Variants in FPGT observed in about 807,000 individuals in gnomAD.
FPGT encodes the protein fucose-1-phosphate guanylyltransferase.
A neutral mutation model predicts 45.8 loss-of-function variants in FPGT; 41 were observed. The ratio of observed to expected loss-of-function variants is 0.90; its 90% CI spans 0.70 to 1.16. FPGT has a LOEUF of 1.16. Ranked by LOEUF, FPGT falls within the 50% of genes most tolerant of loss-of-function variation. FPGT has a pLI of 0.00. For missense variants in FPGT, 755 were observed against 689.1 expected (o/e 1.10, Z -1.07); for synonymous variants, 292 against 247.2 (o/e 1.18, Z -1.70).
chr1:74,205,756 A>G lies in FPGT; in HGVS notation c.1709A>G (p.Tyr570Cys), dbSNP rs1228058753. ...KLLSIEEMLI[Y>C]KDVEDMITYR... ...CTGTCCATTGAAGAAATGCTTATCT[A>G]CAAAGATGTAGAAGATATGATAACT... is the stretch of plus-strand genomic sequence containing the variant. The change falls in exon 4 of 4, where the codon TAC becomes TGC. Residue 570 changes from tyrosine (Y) to cysteine (C), a missense_variant. Coordinates refer to ENST00000370898, the MANE Select transcript of FPGT (RefSeq NM_003838.5). The G allele has an allele frequency of 1.9e-6, 3 of 1,596,354 alleles. No homozygotes were observed. The highest frequency in any genetic ancestry group is 1.7e-4 in the Middle Eastern group (1 of 6,034).
At position 74,207,388 on chromosome 1, in the gene FPGT, G is replaced by A. The variant is rs547465640; in HGVS notation, c.*1556G>A. 6.6e-6 allele frequency among the ~76,000 whole-genome samples: 1 copy of A among 151,992 alleles called. No individual in the cohort carries two copies. The stretch of plus-strand genomic sequence containing the variant: ...TACAGCTTCACATTCAAACTCTTCA[G>A]CACTTTCAGAGCTATTGATATGCAT... On this transcript the variant is annotated 3_prime_UTR_variant, in exon 4 of 4. Transcript: ENST00000370898.
chr1:74,198,257 C>A lies in FPGT; in HGVS notation c.-22C>A. On this transcript the variant is annotated 5_prime_UTR_variant, in exon 1 of 4. Transcript: ENST00000370898. Reference sequence around the variant, plus strand: ...CAGGGCGCATGCGTGCTGTGCGGCGCGGTCTCAGGGAAGGTGGGGCTATGG... The same window carrying A: ...CAGGGCGCATGCGTGCTGTGCGGCGAGGTCTCAGGGAAGGTGGGGCTATGG... 1 of 1,611,922 alleles carries A rather than the reference C, an allele frequency of 6.2e-7. No individual in the cohort carries two copies. Among genetic ancestry groups the A allele is most frequent in the East Asian group, 2.2e-5 (1 of 44,820 alleles).
intron 1 of FPGT, 47 bp downstream of exon 1, chr1:74,198,407 G>C: frequency 6.2e-7 from 1 of 1,604,016 alleles, no homozygotes. Flanking sequence ...CAGAGGGAGG[G>C]TGCTTTTACG....
chr1:74,205,424 G>C lies in FPGT; in HGVS notation c.1377G>C (p.Lys459Asn). The C allele has an allele frequency of 1.2e-6, 2 of 1,613,898 alleles. No individual in the cohort carries two copies. The highest frequency in any genetic ancestry group is 1.7e-6 in the Non-Finnish European group (2 of 1,179,786). ...CTTTTGTATGTTCCTTAAGCTTAAA[G>C]ATGAATAGATGCTTAAAGTATGCAA... Reference protein sequence around the residue: ...AHSFVCSLSLKMNRCLKYATM... With the variant: ...AHSFVCSLSLNMNRCLKYATM... The change falls in exon 4 of 4, where the codon AAG (lysine) becomes AAC (asparagine). Residue 459 changes from lysine to asparagine, a missense_variant. Transcript: ENST00000370898.
At chr1:74,203,011 T>G (rs2100773083) in intron 3 of FPGT, among the ~76,000 whole-genome samples, 1 of 152,342 alleles carries the variant, frequency 6.6e-6, no homozygotes, top group South Asian at 2.1e-4. Flanking sequence ...CATTTTATGC[T>G]TAACTTTTTT....
At chr1:74,198,452 T>C (rs1651426967) in intron 1 of FPGT, 92 bp downstream of exon 1, 1 of 1,552,282 alleles carries the variant, frequency 6.4e-7, no homozygotes, top group Non-Finnish European at 8.7e-7. Flanking sequence ...ACTTCCCGTT[T>C]ACTTCTCATC....
chr1:74,204,753 A>T lies in FPGT; in HGVS notation c.706A>T (p.Met236Leu), dbSNP rs758748726. The T allele has an allele frequency of 3.1e-6, 5 of 1,614,052 alleles. No individual in the cohort carries two copies. Among genetic ancestry groups the T allele is most frequent in the Non-Finnish European group, 4.2e-6 (5 of 1,179,998 alleles). The change falls in exon 4 of 4, where the codon ATG (methionine) becomes TTG (leucine). Residue 236 changes from methionine (M) to leucine (L), a missense_variant. Coordinates refer to ENST00000370898, the MANE Select transcript of FPGT (RefSeq NM_003838.5). ...RFLHKPSIEK[M>L]YQFNAVCRPG... Reference sequence around the variant, plus strand: ...CCTTCATAAGCCCAGCATAGAAAAGATGTATCAGTTTAATGCTGTGTGTAG... The same window carrying T: ...CCTTCATAAGCCCAGCATAGAAAAGTTGTATCAGTTTAATGCTGTGTGTAG...
Position 74,204,934 on chromosome 1 carries a change from G to A in FPGT, c.887G>A (p.Cys296Tyr), listed in dbSNP as rs1652138766. 6.2e-7 allele frequency: 1 copy of A among 1,614,056 alleles called. No homozygotes were observed. Among genetic ancestry groups the A allele is most frequent in the Non-Finnish European group, 8.5e-7 (1 of 1,179,972 alleles). The change falls in exon 4 of 4, where the codon TGT becomes TAT. Residue 296 changes from cysteine (C) to tyrosine (Y), a missense_variant. By Grantham distance (194) the Cys-to-Tyr change is radical. Coordinates refer to ENST00000370898, the MANE Select transcript of FPGT (RefSeq NM_003838.5). The stretch of plus-strand genomic sequence containing the variant: ...TATGAAAAAATAGGCACACTGAGCT[G>A]TGAAATAGATGCCTATGGTGACTTT... ...AFYEKIGTLS[C>Y]EIDAYGDFLQ...
At position 74,208,452 on chromosome 1, in the gene FPGT, T is replaced by A. The variant is rs74463673; in HGVS notation, c.*2620T>A. 1.2e-3 allele frequency among the ~76,000 whole-genome samples: 185 copies of A among 152,210 alleles called. 4 individuals carry two copies. The East Asian group carries it at 0.03, about 25-fold the overall frequency. On this transcript the variant is annotated 3_prime_UTR_variant, in exon 4 of 4. Transcript: ENST00000370898. ...ATGGATAAGTTTGAAATTAAACATT[T>A]TGTCTCATTTTATAATTTTTATTTT...
At position 74,204,823 on chromosome 1, in the gene FPGT, C is replaced by G; in HGVS notation, c.776C>G (p.Ala259Gly). The change falls in exon 4 of 4, where the codon GCC (alanine) becomes GGC (glycine). Residue 259 changes from alanine to glycine, a missense_variant. Ala to Gly is a moderately conservative substitution (Grantham distance 60). Transcript: ENST00000370898. ...CAGGACTTTGCTGGGGGTGACATTG[C>G]CGATCTTAAATTAGACTCTGACTAT... ...CQQDFAGGDI[A>G]DLKLDSDYVY... The G allele has an allele frequency of 6.2e-7, 1 of 1,613,440 alleles. No individual in the cohort carries two copies. The highest frequency in any genetic ancestry group is 8.5e-7 in the Non-Finnish European group (1 of 1,179,882).
At chr1:74,198,419 G>A in intron 1 of FPGT, 59 bp downstream of exon 1, 1 of 1,598,140 alleles carries the variant, frequency 6.3e-7, no homozygotes, top group Non-Finnish European at 8.5e-7. Flanking sequence ...GCTTTTACGT[G>A]CCAGGAGGTT....
chr1:74,205,459 T>C lies in FPGT; in HGVS notation c.1412T>C (p.Phe471Ser), dbSNP rs1652197094. The C allele has an allele frequency of 6.2e-7, 1 of 1,614,018 alleles. No individual in the cohort carries two copies. Among genetic ancestry groups the C allele is most frequent in the Non-Finnish European group, 8.5e-7 (1 of 1,179,858 alleles). ...NRCLKYATMA[F>S]GVQDNLKKSV... ...TGCTTAAAGTATGCAACTATGGCAT[T>C]TGGAGTGCAAGACAACTTGAAAAAG... is the stretch of plus-strand genomic sequence containing the variant. The change falls in exon 4 of 4, where the codon TTT becomes TCT. Residue 471 changes from phenylalanine (F) to serine (S), a missense_variant. Physicochemically the swap from Phe to Ser is radical, Grantham distance 155 (BLOSUM62 -2). Transcript: ENST00000370898.
chr1:74,204,680 T>A lies in FPGT; in HGVS notation c.633T>A (p.Phe211Leu), dbSNP rs772215421. The change falls in exon 4 of 4, where the codon TTT (phenylalanine) becomes TTA (leucine). Residue 211 changes from phenylalanine (F) to leucine (L), a missense_variant. Physicochemically the swap from Phe to Leu is conservative, Grantham distance 22 (BLOSUM62 0). Coordinates refer to ENST00000370898, the MANE Select transcript of FPGT (RefSeq NM_003838.5). Reference sequence around the variant, plus strand: ...ATGGAGTATTTGTCTTAGATCCTTTTGATGATTTAAAACATAGAGACCTTG... The same window carrying A: ...ATGGAGTATTTGTCTTAGATCCTTTAGATGATTTAAAACATAGAGACCTTG... ...TTHGVFVLDP[F>L]DDLKHRDLEY... 4.3e-6 allele frequency: 7 copies of A among 1,612,986 alleles called. No homozygotes were observed. In the East Asian group the frequency reaches 1.6e-4, roughly 36 times the overall value.
In FPGT at chr1:74,205,134, G is replaced by A. The variant is rs376392962; in HGVS notation, c.1087G>A (p.Glu363Lys). Reference protein sequence around the residue: ...NSKFYHIGTTEEYLFYFTSDN... With the variant: ...NSKFYHIGTTKEYLFYFTSDN... Reference sequence around the variant, plus strand: ...CAAATTTTATCACATTGGAACAACCGAAGAATATTTGTTTTACTTTACCTC... The same window carrying A: ...CAAATTTTATCACATTGGAACAACCAAAGAATATTTGTTTTACTTTACCTC... Residue 363 changes from glutamate (E) to lysine (K), a missense_variant, in exon 4 of 4, where the codon GAA (glutamate) becomes AAA (lysine). Transcript: ENST00000370898. The A allele has an allele frequency of 1.8e-4, 293 of 1,613,320 alleles. No individual in the cohort carries two copies. Among genetic ancestry groups the A allele is most frequent in the Non-Finnish European group, 2.3e-4 (274 of 1,179,440 alleles).
chr1:74,204,611 T>A lies in FPGT; in HGVS notation c.564T>A (p.Phe188Leu). 6.2e-7 allele frequency: 1 copy of A among 1,613,836 alleles called. No individual in the cohort carries two copies. Among genetic ancestry groups the A allele is most frequent in the Non-Finnish European group, 8.5e-7 (1 of 1,179,744 alleles). ...FEFIRFDKPG[F>L]TALAHPSSLT... ...TTATTAGGTTTGACAAACCTGGCTT[T>A]ACTGCTTTAGCTCATCCTTCTAGTT... The change falls in exon 4 of 4, where the codon TTT (phenylalanine) becomes TTA (leucine). Residue 188 changes from phenylalanine to leucine, a missense_variant. Transcript: ENST00000370898.
chr1:74,199,530 T>C, intron 1 of FPGT, 134 bp from the exon 2 acceptor site: 1 of 990,350 alleles, frequency 1.0e-6, no homozygotes, highest in Non-Finnish European at 1.5e-6. Context: ...TCCCTAACTT[T>C]CAAAAGCCAA....
chr1:74,205,773 A>T lies in FPGT; in HGVS notation c.1726A>T (p.Met576Leu). 6.3e-7 allele frequency: 1 copy of T among 1,591,132 alleles called. No homozygotes were observed. ...EMLIYKDVED[M>L]ITYREQIFLE... The stretch of plus-strand genomic sequence containing the variant: ...GCTTATCTACAAAGATGTAGAAGAT[A>T]TGATAACTTACAGGGAACAAATTTT... The change falls in exon 4 of 4, where the codon ATG (methionine) becomes TTG (leucine). Residue 576 changes from methionine to leucine, a missense_variant. By Grantham distance (15) the Met-to-Leu change is conservative. Coordinates refer to ENST00000370898, the MANE Select transcript of FPGT (RefSeq NM_003838.5).
chr1:74,203,420 G>C (rs886612274), intron 3 of FPGT, among the ~76,000 whole-genome samples: 3 of 151,284 alleles, frequency 2.0e-5, no homozygotes, highest in Non-Finnish European at 4.4e-5. Context: ...ATGGAGTCTG[G>C]CTCTGTCGCC....
chr1:74,204,054 A>T (rs1379375394), intron 3 of FPGT, among the ~76,000 whole-genome samples: 1 of 149,052 alleles, frequency 6.7e-6, no homozygotes, highest in Non-Finnish European at 1.5e-5. Flanking sequence ...AAAAAAAAAA[A>T]CAAATGTAGA....
Sources: allele counts gnomAD v4.1 joint callset (sites outside exome capture counted in the v4.1 genomes callset), GRCh38; gene constraint gnomAD v4.1.1; transcripts MANE v1.5; gene names NCBI Gene and HGNC (gene_info 2026-07-23, HGNC 2026-07-21).